The following AATF variants were observed in gnomAD, a reference collection of about 807,000 sequenced individuals.
AATF encodes the protein apoptosis antagonizing transcription factor, also known as protein AATF.
A neutral mutation model predicts 63.7 loss-of-function variants in AATF; 48 were observed. The ratio of observed to expected loss-of-function variants is 0.75; its 90% confidence interval spans 0.60 to 0.96. The LOEUF is 0.96. Ranked by LOEUF, AATF falls within the 40% of genes least tolerant of loss-of-function variation. AATF has a pLI of 0.00. For synonymous variants in AATF, 258 were observed against 247.7 expected (o/e 1.04, Z -0.39); for missense variants, 639 against 685.7 (o/e 0.93, Z 0.76).
At chr17:36,972,119 A>G (rs1320299293) in intron 4 of AATF, among the ~76,000 whole-genome samples, 1 of 152,070 alleles carries the variant, frequency 6.6e-6, no homozygotes, top group African/African-American at 2.4e-5. Flanking sequence ...AATATTTCTT[A>G]TGGTAATGGA....
intron 10 of AATF, among the ~76,000 whole-genome samples, chr17:37,028,462 C>A (rs2071527168): frequency 6.6e-6 from 1 of 151,944 alleles, no homozygotes; most frequent in South Asian, 2.1e-4. Flanking sequence ...AACAAAAAAA[C>A]AAGGATACAT....
At chr17:37,022,973 A>G (rs1021886118) in intron 10 of AATF, among the ~76,000 whole-genome samples, 5 of 152,312 alleles carry the variant, frequency 3.3e-5, no homozygotes, top group African/African-American at 1.2e-4. Context: ...TACTAATAGT[A>G]CTTCATAGGT....
intron 11 of AATF, among the ~76,000 whole-genome samples, chr17:37,044,851 T>G (rs566851351): frequency 7.9e-5 from 12 of 152,314 alleles, no homozygotes; most frequent in African/African-American, 2.2e-4. Context: ...ATTTCAGATT[T>G]CAGATACTTG....
At chr17:36,967,778 G>C (rs2071002938) in intron 4 of AATF, among the ~76,000 whole-genome samples, 1 of 151,438 alleles carries the variant, frequency 6.6e-6, no homozygotes, top group Non-Finnish European at 1.5e-5. Context: ...TTTGTATATA[G>C]AATTCTATAG....
chr17:36,988,837 C>T (rs933926378), intron 6 of AATF, 117 bp downstream of exon 6: 4 of 1,017,068 alleles, frequency 3.9e-6, no homozygotes, highest in African/African-American at 3.3e-5. Flanking sequence ...TAATGGTAAT[C>T]ATTCATTTCT....
In AATF at chr17:36,988,691, A is replaced by T. The variant is rs2071189052; in HGVS notation, c.1120A>T (p.Thr374Ser). The change falls in exon 6 of 12, where the codon ACC becomes TCC. Residue 374 changes from threonine (T) to serine (S), a missense_variant. Coordinates refer to ENST00000619387, the MANE Select transcript of AATF (RefSeq NM_012138.4). Reference protein sequence around the residue: ...NRTLQKWHDKTKLASGKLGKG... With the variant: ...NRTLQKWHDKSKLASGKLGKG... ...CACACTTCAGAAATGGCACGATAAG[A>T]CCAAACTGGCTTCTGGAAAACTGGG... 6.2e-7 allele frequency: 1 copy of T among 1,614,000 alleles called. No individual in the cohort carries two copies. Among genetic ancestry groups the T allele is most frequent in the Non-Finnish European group, 8.5e-7 (1 of 1,179,942 alleles).
chr17:36,992,198 A>C (rs1397142785), intron 8 of AATF, among the ~76,000 whole-genome samples: 1 of 152,220 alleles, frequency 6.6e-6, no homozygotes, highest in East Asian at 1.9e-4. Context: ...TTGCCCTAAA[A>C]AGAGAAAGAG....
At chr17:36,962,022 A>G (rs78736066) in intron 4 of AATF, among the ~76,000 whole-genome samples, 8,135 of 152,200 alleles carry the variant, frequency 0.053, 716 homozygotes, top group African/African-American at 0.19. Context: ...TTGCCTAACT[A>G]GCCCCTGGAA....
chr17:36,997,452 A>G (rs1597718668), intron 8 of AATF, among the ~76,000 whole-genome samples: 1 of 152,244 alleles, frequency 6.6e-6, no homozygotes. Context: ...AGATATACAA[A>G]TGGCCAACAA....
intron 4 of AATF, among the ~76,000 whole-genome samples, chr17:36,970,101 A>G (rs1361376070): frequency 6.6e-6 from 1 of 152,164 alleles, no homozygotes; most frequent in Non-Finnish European, 1.5e-5. Context: ...AGATGTTTTT[A>G]TATGGACATA....
intron 4 of AATF, among the ~76,000 whole-genome samples, chr17:36,954,365 A>T (rs907000793): frequency 6.6e-6 from 1 of 152,104 alleles, no homozygotes; most frequent in African/African-American, 2.4e-5. Flanking sequence ...TACAGATGTG[A>T]CCTACTGAGC....
intron 11 of AATF, among the ~76,000 whole-genome samples, chr17:37,049,846 A>G (rs1418521195): frequency 6.6e-6 from 1 of 152,196 alleles, no homozygotes; most frequent in Admixed American, 6.5e-5. Flanking sequence ...ACTGATAGAT[A>G]GAACAGAAGA....
intron 9 of AATF, among the ~76,000 whole-genome samples, chr17:37,019,423 A>G (rs967248435): frequency 1.3e-5 from 2 of 152,214 alleles, no homozygotes; most frequent in African/African-American, 4.8e-5. Flanking sequence ...AGAACATGGC[A>G]CTGCGCACAA....
At chr17:36,964,872 T>C (rs923963603) in intron 4 of AATF, among the ~76,000 whole-genome samples, 2 of 152,104 alleles carry the variant, frequency 1.3e-5, no homozygotes, top group African/African-American at 4.8e-5. Context: ...CTAGGAGTAG[T>C]GCACAGCTGT....
At chr17:37,045,266 A>AC (rs1373462737) in intron 11 of AATF, among the ~76,000 whole-genome samples, 4 of 151,956 alleles carry the variant, frequency 2.6e-5, no homozygotes, top group Non-Finnish European at 5.9e-5. Context: ...TAATTCTTTG[A>AC]CCCCCTGGGC....
chr17:37,056,713 T>C lies in AATF; in HGVS notation c.*49T>C. On this transcript the variant is annotated 3_prime_UTR_variant, in exon 12 of 12. Transcript: ENST00000619387. The stretch of plus-strand genomic sequence containing the variant: ...TGGGCGCCTTGGCTGGTGCGGCTGC[T>C]GGTCCAGATGGAGGAAACCAGTGAC... The C allele has an allele frequency of 6.3e-7, 1 of 1,586,934 alleles. No homozygotes were observed. The highest frequency in any genetic ancestry group is 8.7e-7 in the Non-Finnish European group (1 of 1,155,948).
At chr17:36,994,642 G>A (rs996367603) in intron 8 of AATF, among the ~76,000 whole-genome samples, 24 of 152,346 alleles carry the variant, frequency 1.6e-4, no homozygotes, top group African/African-American at 5.5e-4. Context: ...AAATGACCAC[G>A]AAGGATGAGC....
intron 11 of AATF, among the ~76,000 whole-genome samples, chr17:37,048,734 G>A (rs1036259535): frequency 6.6e-6 from 1 of 152,138 alleles, no homozygotes; most frequent in African/African-American, 2.4e-5. Flanking sequence ...CATACATAGG[G>A]CTGCCCCTAC....
At chr17:37,034,110 G>A (rs998619968) in intron 11 of AATF, among the ~76,000 whole-genome samples, 3 of 152,168 alleles carry the variant, frequency 2.0e-5, no homozygotes, top group African/African-American at 7.2e-5. Flanking sequence ...CTTAAGGAAT[G>A]GAATAATAGT....
Sources: gnomAD v4.1 joint callset for allele counts (sites outside exome capture counted in the v4.1 genomes callset) on GRCh38, gnomAD v4.1.1 for gene constraint, MANE v1.5 for transcripts, NCBI Gene and HGNC (gene_info 2026-07-23, HGNC 2026-07-21) for gene names.